Variants in LZTS3 observed in about 807,000 individuals in gnomAD.
The protein encoded by LZTS3 is leucine zipper tumor suppressor family member 3.
A neutral mutation model predicts 50.9 loss-of-function variants in LZTS3; 16 were observed. The observed-to-expected ratio is 0.31, with a 90% CI of 0.21 to 0.48. The LOEUF is 0.48. LZTS3 is among the 20% of genes least tolerant of loss of function. LZTS3 has a pLI of 0.99. For synonymous variants in LZTS3, 408 were observed against 410.6 expected (o/e 0.99, Z 0.08); for missense variants, 816 against 931.0 (o/e 0.88, Z 1.61).
Position 3,165,934 on chromosome 20 carries a change from G to A in LZTS3, c.886C>T (p.His296Tyr). ...CCTCCGCCCTCCCCAGAGCCCAGGT[G>A]GCCTGGCCGCCCCATAGATGACGAC... ...GSSSSMGRPG[H>Y]LGSGEGGGGG... The change falls in exon 4 of 5, where the codon CAC (histidine) becomes TAC (tyrosine). Residue 296 changes from histidine to tyrosine, a missense_variant. This residue lies in a region of LZTS3 where 700 missense variants were observed against 769.4 expected (regional missense o/e 0.91). Transcript: ENST00000337576. The surrounding 1 kb of genome is among the most constrained non-coding windows in gnomAD (Gnocchi z 5.0). 1 of 1,612,012 alleles carries A rather than the reference G, an allele frequency of 6.2e-7. No individual in the cohort carries two copies. Among genetic ancestry groups the A allele is most frequent in the Non-Finnish European group, 8.5e-7 (1 of 1,180,008 alleles).
intron 1 of LZTS3, among the ~76,000 whole-genome samples, chr20:3,168,740 G>A (rs533308769): frequency 3.2e-4 from 48 of 152,336 alleles, no homozygotes; most frequent in African/African-American, 1.0e-3. Flanking sequence ...GGAAATGGGA[G>A]AGGGCGCCCT....
In LZTS3 at chr20:3,164,939, G is replaced by A; in HGVS notation, c.1537C>T (p.Pro513Ser). The A allele has an allele frequency of 1.3e-6, 2 of 1,550,706 alleles. No individual in the cohort carries two copies. The highest frequency in any genetic ancestry group is 1.7e-6 in the Non-Finnish European group (2 of 1,154,282). ...AGCGCCGGCTTGAGGCAGGCGGCAG[G>A]CAGCTCGCCTTCGCCCAGCTCCAGG... ...ASLELGEGEL[P>S]AACLKPALTP... The change falls in exon 5 of 5, where the codon CCT becomes TCT. Residue 513 changes from proline to serine, a missense_variant. By Grantham distance (74) the Pro-to-Ser change is moderately conservative. Coordinates refer to ENST00000337576, the MANE Select transcript of LZTS3 (RefSeq NM_001365618.1).
intron 3 of LZTS3, 103 bp downstream of exon 3, chr20:3,166,602 C>T: frequency 7.0e-7 from 1 of 1,426,964 alleles, no homozygotes; most frequent in East Asian, 2.3e-5. Context: ...CTCCATCCTG[C>T]CCCCACAACC....
chr20:3,167,435 A>T (rs2066846717), intron 2 of LZTS3: 1 of 1,173,124 alleles, frequency 8.5e-7, no homozygotes, highest in African/African-American at 1.6e-5. Context: ...AGCGTTGCTC[A>T]GCTCAGCTCA....
chr20:3,166,751 G>A lies in LZTS3; in HGVS notation c.413C>T (p.Pro138Leu), dbSNP rs1284835991. The part of the protein sequence containing the change: ...SDKAPPQYRE[P>L]SHPPKLLATS... Reference sequence around the variant, plus strand: ...GGCCAGGAGCTTGGGTGGGTGGCTGGGCTCACGATACTGCGGTGGGGCTTT... The same window carrying A: ...GGCCAGGAGCTTGGGTGGGTGGCTGAGCTCACGATACTGCGGTGGGGCTTT... The change falls in exon 3 of 5, where the codon CCC (proline) becomes CTC (leucine). Residue 138 changes from proline to leucine, a missense_variant. Pro to Leu is a moderately conservative substitution (Grantham distance 98). Coordinates refer to ENST00000337576, the MANE Select transcript of LZTS3 (RefSeq NM_001365618.1). The A allele has an allele frequency of 6.2e-7, 1 of 1,613,778 alleles. No homozygotes were observed. The highest frequency in any genetic ancestry group is 8.5e-7 in the Non-Finnish European group (1 of 1,179,992).
In LZTS3 at chr20:3,164,082, G is replaced by T. The variant is rs1410867806; in HGVS notation, c.*372C>A. On this transcript the variant is annotated 3_prime_UTR_variant, in exon 5 of 5. Coordinates refer to ENST00000337576, the MANE Select transcript of LZTS3 (RefSeq NM_001365618.1). Reference sequence around the variant, plus strand: ...GCACAGAGAGCATCACTAGACACAGGGTGGCCAACAGTAGCAGCCCAGGCC... The same window carrying T: ...GCACAGAGAGCATCACTAGACACAGTGTGGCCAACAGTAGCAGCCCAGGCC... The T allele has an allele frequency of 1.5e-5, 3 of 199,118 alleles. No homozygotes were observed. Among genetic ancestry groups the T allele is most frequent in the African/African-American group, 2.3e-5 (1 of 43,092 alleles). 12.3% of individuals were successfully genotyped at this position (199,118 alleles called of 1,614,324 possible).
chr20:3,169,749 A>C (rs1255338954), intron 1 of LZTS3, among the ~76,000 whole-genome samples: 1 of 151,834 alleles, frequency 6.6e-6, no homozygotes, highest in East Asian at 1.9e-4. Flanking sequence ...TGCGGTATGC[A>C]TTCCTGTAAT....
In LZTS3 at chr20:3,165,056, G is replaced by A. The variant is rs866003582; in HGVS notation, c.1420C>T (p.Arg474Cys). ...SQKLSEIVGLRSQLREGRASL... is the reference protein window; with the variant it reads ...SQKLSEIVGLCSQLREGRASL... Reference sequence around the variant, plus strand: ...GCCCGGCCCTCCCGCAGCTGCGAGCGCAGTCCCACGATCTCACTCAACTTC... The same window carrying A: ...GCCCGGCCCTCCCGCAGCTGCGAGCACAGTCCCACGATCTCACTCAACTTC... Residue 474 changes from arginine (R) to cysteine (C), a missense_variant, in exon 5 of 5, where the codon CGC becomes TGC. This residue lies in a region of LZTS3 where 700 missense variants were observed against 769.4 expected (regional missense o/e 0.91). Transcript: ENST00000337576. This position sits in a 1 kb window ranked among gnomAD's most constrained non-coding sequence, Gnocchi z 5.0. The A allele has an allele frequency of 1.9e-6, 3 of 1,581,082 alleles. No individual in the cohort carries two copies. The highest frequency in any genetic ancestry group is 2.3e-5 in the South Asian group (2 of 86,564).
Position 3,165,401 on chromosome 20 carries a change from C to T in LZTS3, c.1323+96G>A. On this transcript the variant is annotated intron_variant, in intron 4 of 4. Transcript: ENST00000337576. The surrounding 1 kb of genome is among the most constrained non-coding windows in gnomAD (Gnocchi z 5.0). ...CCCCCTGCTCCTTTCATCCCCCCCC[C>T]CATCCCACCGTTATGATAGTGAGGG... 1 of 1,301,964 alleles carries T rather than the reference C, an allele frequency of 7.7e-7. No homozygotes were observed. Among genetic ancestry groups the T allele is most frequent in the Non-Finnish European group, 1.0e-6 (1 of 975,524 alleles). The allele number at this position is 1,301,964 out of a possible 1,614,324, so 80.7% of individuals were successfully genotyped here. A position where few individuals can be genotyped will look rare whatever the true frequency, so the allele number is the denominator to read the frequency against.
rs397955055 is a variant in LZTS3 at position 3,170,486 on chromosome 20, CA to C, written c.-242-2526del. Among the ~76,000 whole-genome samples, 211 of 72,550 alleles carry C rather than the reference CA, an allele frequency of 2.9e-3. 2 individuals carry two copies. The highest frequency in any genetic ancestry group is 0.022 in the Middle Eastern group (2 of 90). The allele number at this position is 72,550 out of a possible 152,430, so 47.6% of individuals were successfully genotyped here. On this transcript the variant is annotated intron_variant, in intron 1 of 4. Transcript: ENST00000337576. ...CCTGGAAGACAGAGCGAGACTACAT[CA>C]AAAAAAAAAAAAAAAAAAACAGGTT...
At chr20:3,166,576 G>A (rs1028637103) in intron 3 of LZTS3, 129 bp downstream of exon 3, 43 of 1,270,852 alleles carry the variant, frequency 3.4e-5, no homozygotes, top group Non-Finnish European at 4.1e-5. Flanking sequence ...CCCAGTCCAT[G>A]ACTCCCCAGC....
chr20:3,170,896 G>A (rs751299087), intron 1 of LZTS3, among the ~76,000 whole-genome samples: 1 of 152,244 alleles, frequency 6.6e-6, no homozygotes, highest in Admixed American at 6.5e-5. Context: ...TGCTAAAAGA[G>A]AAGACAGTTA....
chr20:3,167,270 C>T (rs2066843900), intron 2 of LZTS3, 89 bp from the exon 3 acceptor site: 11 of 1,409,602 alleles, frequency 7.8e-6, no homozygotes, highest in Admixed American at 5.8e-5. Context: ...CCGCTCTGCC[C>T]CTCAGTGTCC....
chr20:3,168,885 C>G (rs988847005), intron 1 of LZTS3, among the ~76,000 whole-genome samples: 4 of 152,202 alleles, frequency 2.6e-5, no homozygotes, highest in Non-Finnish European at 5.9e-5. Context: ...AATGCTGAGT[C>G]CCTGGCCCAG....
chr20:3,171,411 TGTC>T (rs2066901358), intron 1 of LZTS3, among the ~76,000 whole-genome samples: 2 of 152,186 alleles, frequency 1.3e-5, no homozygotes, highest in East Asian at 1.9e-4. Flanking sequence ...AAGAGCTTCT[TGTC>T]GTAATTGTAA....
chr20:3,169,854 G>C (rs906797226), intron 1 of LZTS3, among the ~76,000 whole-genome samples: 3 of 144,836 alleles, frequency 2.1e-5, no homozygotes, highest in African/African-American at 7.7e-5. Flanking sequence ...ACTCCAGCCT[G>C]GGTGACAGAG....
chr20:3,162,905 T>G lies in LZTS3; in HGVS notation c.*1549A>C. 1 of 152,558 alleles carries G rather than the reference T, an allele frequency of 6.6e-6. No individual in the cohort carries two copies. Among genetic ancestry groups the G allele is most frequent in the Non-Finnish European group, 1.5e-5 (1 of 68,058 alleles). 9.5% of individuals were successfully genotyped at this position (152,558 alleles called of 1,614,324 possible). On this transcript the variant is annotated 3_prime_UTR_variant, in exon 5 of 5. Transcript: ENST00000337576. This position sits in a 1 kb window ranked among gnomAD's most constrained non-coding sequence, Gnocchi z 5.0. The stretch of plus-strand genomic sequence containing the variant: ...TGGCCTCCCACCCAGCTCAGAGACC[T>G]GGTGAGGACCACCCAGAAGGGCTGT...
At chr20:3,168,347 G>GGGGGA (rs1304813279) in intron 1 of LZTS3, 1 of 152,062 alleles carries the variant, frequency 6.6e-6, no homozygotes, top group East Asian at 1.9e-4. Context: ...CAGGTGGGAG[G>GGGGGA]GGGGAGGGGA....
chr20:3,167,961 T>A lies in LZTS3; in HGVS notation c.-242A>T. 1.5e-6 allele frequency: 1 copy of A among 685,732 alleles called. No individual in the cohort carries two copies. Among genetic ancestry groups the A allele is most frequent in the Non-Finnish European group, 1.8e-6 (1 of 556,302 alleles). 42.5% of individuals were successfully genotyped at this position (685,732 alleles called of 1,614,324 possible). On this transcript the variant is annotated splice_region_variant and 5_prime_UTR_variant, in exon 2 of 5. The change creates a new upstream start codon in the 5' untranslated region. Transcript: ENST00000337576. ...GCCATCCCGGACTGCAGTTTTCTCC[T>A]CTGCGAAATGGGAGGAATGAAGGAC...
Sources: gnomAD v4.1 joint callset for allele counts (sites outside exome capture counted in the v4.1 genomes callset) on GRCh38, gnomAD v4.1.1 for gene constraint, gnomAD v4.1.1 regional missense constraint, Gnocchi (gnomAD v3.1) non-coding constraint, MANE v1.5 for transcripts, NCBI Gene and HGNC (gene_info 2026-07-23, HGNC 2026-07-21) for gene names.